Variants in SARM1 observed in about 807,000 individuals in gnomAD.
The protein encoded by SARM1 is sterile alpha and TIR motif containing 1.
SARM1 carries 60 observed loss-of-function variants against 65.1 expected under a neutral mutation model. The ratio of observed to expected loss-of-function variants is 0.92; its 90% CI spans 0.75 to 1.14. SARM1 has a LOEUF of 1.14. SARM1 is among the 50% of genes most tolerant of loss of function. The pLI, the probability that SARM1 is intolerant of heterozygous loss-of-function variation, is 0.00. For synonymous variants in SARM1, 417 were observed against 465.4 expected (o/e 0.90, Z 1.34); for missense variants, 913 against 1,015.7 (o/e 0.90, Z 1.37).
At chr17:28,380,057 C>CT (rs61029083) in intron 1 of SARM1, among the ~76,000 whole-genome samples, 53,174 of 105,910 alleles carry the variant, frequency 0.5, 13,118 homozygotes, top group East Asian at 0.69. Flanking sequence ...TTTTTCTTTT[C>CT]TTTTTTTTTT....
At position 28,399,206 on chromosome 17, in the gene SARM1, A is replaced by T. The variant is rs1243231377; in HGVS notation, c.*2920A>T. 1.2e-5 allele frequency: 2 copies of T among 163,870 alleles called. No individual in the cohort carries two copies. The highest frequency in any genetic ancestry group is 4.8e-5 in the African/African-American group (2 of 41,810). The allele number at this position is 163,870 out of a possible 1,614,324, so 10.2% of individuals were successfully genotyped here. A position where few individuals can be genotyped will look rare whatever the true frequency, so the allele number is the denominator to read the frequency against. ...TTCCCAAGGCTGGCACTAACCAGGTACCACATTCATTGTTAAGGAATGGCT... is the reference window on the plus strand; with the variant it reads ...TTCCCAAGGCTGGCACTAACCAGGTTCCACATTCATTGTTAAGGAATGGCT... On this transcript the variant is annotated 3_prime_UTR_variant, in exon 9 of 9. Coordinates refer to ENST00000585482, the MANE Select transcript of SARM1 (RefSeq NM_015077.4).
intron 5 of SARM1, among the ~76,000 whole-genome samples, chr17:28,386,173 C>T (rs1310411612): frequency 2.0e-5 from 3 of 152,092 alleles, no homozygotes; most frequent in Non-Finnish European, 4.4e-5. Context: ...GGTGTGGTGG[C>T]GCATACCTGT....
chr17:28,400,828 A>ACCAC lies in SARM1; in HGVS notation c.*4544_*4547dup. On this transcript the variant is annotated 3_prime_UTR_variant, in exon 9 of 9. Transcript: ENST00000585482. ...AGGGCCATATTCCAACTCTGGCACC[A>ACCAC]CCACCTCACAGCTGTGTGACCGGGA... The ACCAC allele has an allele frequency of 1.4e-6, 2 of 1,451,418 alleles. No individual in the cohort carries two copies. 89.9% of individuals were successfully genotyped at this position (1,451,418 alleles called of 1,614,324 possible).
Position 28,388,379 on chromosome 17 carries a change from G to A in SARM1, c.1763G>A (p.Gly588Asp), listed in dbSNP as rs781829395. The change falls in exon 7 of 9, where the codon GGC (glycine) becomes GAC (aspartate). Residue 588 changes from glycine (G) to aspartate (D), a missense_variant. This residue lies in a region of SARM1 where 862 missense variants were observed against 952.1 expected (regional missense o/e 0.91). Transcript: ENST00000585482. ...CTGAAGGTGCACCTGCAGCTGCATG[G>A]CTTCAGTGTCTTCATTGATGTGGAG... ...SLLKVHLQLH[G>D]FSVFIDVEKL... The A allele has an allele frequency of 1.2e-6, 2 of 1,613,968 alleles. No homozygotes were observed. Among genetic ancestry groups the A allele is most frequent in the South Asian group, 2.2e-5 (2 of 91,086 alleles).
In SARM1 at chr17:28,372,834, G is replaced by A. The variant is rs1461394965; in HGVS notation, c.470+332G>A. Among the ~76,000 whole-genome samples, 3 of 151,854 alleles carry A rather than the reference G, an allele frequency of 2.0e-5. No homozygotes were observed. The highest frequency in any genetic ancestry group is 4.9e-5 in the African/African-American group (2 of 41,174). On this transcript the variant is annotated intron_variant, in intron 1 of 8. Transcript: ENST00000585482. This position sits in a 1 kb window ranked among gnomAD's most constrained non-coding sequence, Gnocchi z 5.2. ...ATTCTCCCTCTCCCCCGCCCCCCAA[G>A]CCCACAGCTCTCCTTCCCACCGGCT...
chr17:28,388,609 T>C, intron 7 of SARM1, 70 bp downstream of exon 7: 1 of 1,485,516 alleles, frequency 6.7e-7, no homozygotes, highest in Non-Finnish European at 9.2e-7. Flanking sequence ...TCGTCTTCTA[T>C]TCCTTCTTGT....
chr17:28,397,874 C>T lies in SARM1; in HGVS notation c.*1588C>T, dbSNP rs2068149495. 6.5e-6 allele frequency: 1 copy of T among 152,906 alleles called. No individual in the cohort carries two copies. The highest frequency in any genetic ancestry group is 1.5e-5 in the Non-Finnish European group (1 of 68,576). 9.5% of individuals were successfully genotyped at this position (152,906 alleles called of 1,614,324 possible). On this transcript the variant is annotated 3_prime_UTR_variant, in exon 9 of 9. Coordinates refer to ENST00000585482, the MANE Select transcript of SARM1 (RefSeq NM_015077.4). Reference sequence around the variant, plus strand: ...AAAGCTGGCTGCGCCCCCAGCCCCACTCTTGGCTGTGCTGGCCAGGTGACT... The same window carrying T: ...AAAGCTGGCTGCGCCCCCAGCCCCATTCTTGGCTGTGCTGGCCAGGTGACT...
Position 28,399,591 on chromosome 17 carries a change from G to A in SARM1, c.*3305G>A, listed in dbSNP as rs782807118. ...CCTGCTGTGGGCTGGGCTTCCAGCT[G>A]CAGACCTCCAGTTGCTTGGTGTTCA... is the stretch of plus-strand genomic sequence containing the variant. On this transcript the variant is annotated 3_prime_UTR_variant, in exon 9 of 9. Coordinates refer to ENST00000585482, the MANE Select transcript of SARM1 (RefSeq NM_015077.4). The A allele has an allele frequency of 8.4e-6, 13 of 1,552,502 alleles. No homozygotes were observed. Among genetic ancestry groups the A allele is most frequent in the South Asian group, 1.1e-5 (1 of 89,192 alleles).
intron 2 of SARM1, among the ~76,000 whole-genome samples, chr17:28,382,557 T>G (rs1335347564): frequency 3.3e-5 from 5 of 152,196 alleles, no homozygotes; most frequent in Non-Finnish European, 7.3e-5. Flanking sequence ...ACCAGTGACC[T>G]TTGCCCACTG....
rs1388686286 is a variant in SARM1, at chr17:28,394,207, T to C, written c.1924-1698T>C. On this transcript the variant is annotated intron_variant, in intron 7 of 8. Coordinates refer to ENST00000585482, the MANE Select transcript of SARM1 (RefSeq NM_015077.4). The stretch of plus-strand genomic sequence containing the variant: ...TTGTCAGATGTGCATTTTGCAAATA[T>C]TAGCTACATGAAAGGGCAATGTGGA... Among the ~76,000 whole-genome samples the C allele has an allele frequency of 4.6e-5, 7 of 152,212 alleles. 1 individual carries two copies. The highest frequency in any genetic ancestry group is 1.2e-4 in the African/African-American group (5 of 41,448).
At chr17:28,375,062 T>C (rs1171381973) in intron 1 of SARM1, among the ~76,000 whole-genome samples, 1 of 151,848 alleles carries the variant, frequency 6.6e-6, no homozygotes, top group Non-Finnish European at 1.5e-5. Context: ...CAGGATGCTA[T>C]TGCACCCATT....
Position 28,388,267 on chromosome 17 carries a change from A to G in SARM1, c.1724A>G (p.Gln575Arg), listed in dbSNP as rs1555586354. The change falls in exon 6 of 9, where the codon CAG (glutamine) becomes CGG (arginine). Residue 575 changes from glutamine (Q) to arginine (R), a missense_variant. Transcript: ENST00000585482. Reference sequence around the variant, plus strand: ...AGCTACCGCCGGAACTCAGGTTCCCAGCTGGCCAGGTGAGGAGGGGCGGGC... The same window carrying G: ...AGCTACCGCCGGAACTCAGGTTCCCGGCTGGCCAGGTGAGGAGGGGCGGGC... ...FISYRRNSGS[Q>R]LASLLKVHLQ... 1 of 1,556,556 alleles carries G rather than the reference A, an allele frequency of 6.4e-7. No individual in the cohort carries two copies. Among genetic ancestry groups the G allele is most frequent in the South Asian group, 1.2e-5 (1 of 84,798 alleles).
intron 7 of SARM1, among the ~76,000 whole-genome samples, chr17:28,389,538 T>C (rs1190253884): frequency 6.6e-6 from 1 of 152,138 alleles, no homozygotes; most frequent in Non-Finnish European, 1.5e-5. Context: ...GGCTGAGGGA[T>C]GCAGTAGTCA....
At chr17:28,390,582 C>T (rs1040560592) in intron 7 of SARM1, among the ~76,000 whole-genome samples, 4 of 151,828 alleles carry the variant, frequency 2.6e-5, no homozygotes, top group African/African-American at 9.7e-5. Context: ...AAGCAGACCA[C>T]GCTATATAGG....
Position 28,401,967 on chromosome 17 carries a change from C to T in SARM1, c.*5681C>T. ...TTACAGACGGAAAAGCTGAGGTCTG[C>T]AGAGAGTAAATCCTCTGCTCTGGTT... On this transcript the variant is annotated 3_prime_UTR_variant, in exon 9 of 9. Transcript: ENST00000585482. The T allele has an allele frequency of 3.3e-6, 1 of 306,798 alleles. No individual in the cohort carries two copies. Among genetic ancestry groups the T allele is most frequent in the South Asian group, 7.7e-5 (1 of 12,918 alleles). The allele number at this position is 306,798 out of a possible 1,614,324, so 19.0% of individuals were successfully genotyped here.
At chr17:28,386,951 C>T (rs967645) in intron 5 of SARM1, among the ~76,000 whole-genome samples, 77,842 of 151,950 alleles carry the variant, frequency 0.51, 20,165 homozygotes, top group East Asian at 0.72. Context: ...GTTGCCCAGG[C>T]TGTTCTCAAA....
chr17:28,388,365 C>T lies in SARM1; in HGVS notation c.1749C>T (p.His583=), dbSNP rs564784908. ...GSQLASLLKV[H]LQLHGFSVFI... is the part of the protein sequence containing the mutation. ...TTACTTGCAGTCTCCTGAAGGTGCA[C>T]CTGCAGCTGCATGGCTTCAGTGTCT... The change falls in exon 7 of 9, where the codon CAC becomes CAT. Residue 583 remains histidine, a synonymous_variant. Coordinates refer to ENST00000585482, the MANE Select transcript of SARM1 (RefSeq NM_015077.4). The T allele has an allele frequency of 6.8e-6, 11 of 1,613,884 alleles. No individual in the cohort carries two copies. The East Asian group carries it at 1.8e-4, about 26-fold the overall frequency.
Position 28,400,472 on chromosome 17 carries a change from G to A in SARM1, c.*4186G>A. On this transcript the variant is annotated 3_prime_UTR_variant, in exon 9 of 9. Coordinates refer to ENST00000585482, the MANE Select transcript of SARM1 (RefSeq NM_015077.4). ...GGAGGATTAGGCAGCCATCTGCAAGGAGAGGGGCAACCTGGGACAAGACAC... is the reference window on the plus strand; with the variant it reads ...GGAGGATTAGGCAGCCATCTGCAAGAAGAGGGGCAACCTGGGACAAGACAC... 1.7e-6 allele frequency: 2 copies of A among 1,197,140 alleles called. No individual in the cohort carries two copies. The highest frequency in any genetic ancestry group is 2.3e-6 in the Non-Finnish European group (2 of 867,894). The allele number at this position is 1,197,140 out of a possible 1,614,324, so 74.2% of individuals were successfully genotyped here.
rs2068024038 is a variant in SARM1 at position 28,381,522 on chromosome 17, G to A, written c.790G>A (p.Glu264Lys). The change falls in exon 2 of 9, where the codon GAG (glutamate) becomes AAG (lysine). Residue 264 changes from glutamate to lysine, a missense_variant. Glu to Lys is a moderately conservative substitution (Grantham distance 56, BLOSUM62 1). This residue lies in a region of SARM1 where 862 missense variants were observed against 952.1 expected (regional missense o/e 0.91). Transcript: ENST00000585482. ...CCCGCTCGCCTTCTCCAAGGAGGAC[G>A]AGCTGCTTCGGCTGCACGCCTGCCT... ...LFPLAFSKED[E>K]LLRLHACLAV... The A allele has an allele frequency of 6.4e-7, 1 of 1,571,604 alleles. No individual in the cohort carries two copies. The highest frequency in any genetic ancestry group is 8.6e-7 in the Non-Finnish European group (1 of 1,159,600).
Sources: allele counts gnomAD v4.1 joint callset (sites outside exome capture counted in the v4.1 genomes callset), GRCh38; gene constraint gnomAD v4.1.1; regional missense constraint gnomAD v4.1.1; non-coding constraint Gnocchi (gnomAD v3.1); transcripts MANE v1.5; gene names NCBI Gene and HGNC (gene_info 2026-07-23, HGNC 2026-07-21).